Variants in MON2 observed in about 807,000 individuals in gnomAD.
MON2 encodes the protein protein MON2 homolog.
MON2 carries 84 observed loss-of-function variants against 208.6 expected under a neutral mutation model. That is an observed-to-expected ratio of 0.40 (90% CI 0.34 to 0.48). The LOEUF (loss-of-function observed/expected upper bound fraction) is 0.48. Ranked by LOEUF, MON2 falls within the 20% of genes least tolerant of loss-of-function variation. MON2 has a pLI of 0.59. For missense variants in MON2, 1,611 were observed against 2,015.4 expected (o/e 0.80, Z 3.84); for synonymous variants, 660 against 694.0 (o/e 0.95, Z 0.77).
intron 24 of MON2, among the ~76,000 whole-genome samples, chr12:62,554,937 C>T (rs1003574873): frequency 4.0e-5 from 6 of 150,512 alleles, no homozygotes; most frequent in East Asian, 2.0e-4. Context: ...TGGGACTACA[C>T]GCGCCCGCCA....
chr12:62,499,798 G>A (rs1241026094), intron 5 of MON2, among the ~76,000 whole-genome samples: 4 of 151,876 alleles, frequency 2.6e-5, no homozygotes, highest in South Asian at 2.1e-4. Flanking sequence ...ACTTGAACCC[G>A]AGAGGCAGAG....
chr12:62,512,597 A>T (rs537804497), intron 8 of MON2, among the ~76,000 whole-genome samples: 1 of 152,096 alleles, frequency 6.6e-6, no homozygotes, highest in Non-Finnish European at 1.5e-5. Flanking sequence ...AGGTGCTTTC[A>T]TGGCCTGCTG....
At position 62,523,125 on chromosome 12, in the gene MON2, T is replaced by C. The variant is rs529456343; in HGVS notation, c.985-1390T>C. Among the ~76,000 whole-genome samples the C allele has an allele frequency of 5.9e-5, 9 of 152,318 alleles. No individual in the cohort carries two copies. In the East Asian group the frequency reaches 1.7e-3, roughly 29 times the overall value. On this transcript the variant is annotated intron_variant, in intron 8 of 34. Transcript: ENST00000393630. ...GCTGATATTGCACTTGTTGAAGGGC[T>C]TACTAATATTCAAACCCTCCAGTAG...
At chr12:62,486,277 G>C (rs1048973462) in intron 2 of MON2, among the ~76,000 whole-genome samples, 4 of 151,242 alleles carry the variant, frequency 2.6e-5, no homozygotes, top group African/African-American at 9.7e-5. Context: ...GATTTCCTCA[G>C]AGGATCACTG....
intron 8 of MON2, among the ~76,000 whole-genome samples, chr12:62,520,019 G>A (rs575277492): frequency 2.0e-5 from 3 of 152,304 alleles, no homozygotes; most frequent in African/African-American, 7.2e-5. Flanking sequence ...GTTTCACCCC[G>A]TTAGCCAGGA....
At chr12:62,489,936 T>C (rs917956663) in intron 2 of MON2, 3 of 600,050 alleles carry the variant, frequency 5.0e-6, no homozygotes, top group Non-Finnish European at 4.8e-6. Flanking sequence ...AATTGAAGTT[T>C]ATTTTTTAAT....
intron 27 of MON2, 200 bp from the exon 28 acceptor site, chr12:62,565,814 T>C (rs1169140262): frequency 1.5e-5 from 8 of 529,958 alleles, no homozygotes; most frequent in Admixed American, 3.6e-5. Context: ...GTGTGAAGTT[T>C]AGTTGGATTT....
intron 1 of MON2, among the ~76,000 whole-genome samples, chr12:62,468,830 A>T (rs1323821850): frequency 2.0e-5 from 3 of 152,336 alleles, no homozygotes; most frequent in Non-Finnish European, 2.9e-5. Context: ...CTATTTTGTA[A>T]TTTCAACAAT....
intron 3 of MON2, among the ~76,000 whole-genome samples, 157 bp downstream of exon 3, chr12:62,494,199 C>T (rs554860491): frequency 1.3e-5 from 2 of 152,242 alleles, no homozygotes; most frequent in Non-Finnish European, 2.9e-5. Context: ...CAAATTTTCT[C>T]CTCATTAAAC....
At chr12:62,542,956 G>A in intron 19 of MON2, 141 bp from the exon 20 acceptor site, 1 of 447,496 alleles carries the variant, frequency 2.2e-6, no homozygotes, top group Non-Finnish European at 3.9e-6. Flanking sequence ...GATAACTGAG[G>A]TTTTGTTATA....
rs2133305 is a variant in MON2, at chr12:62,571,527, G to A, written c.4459G>A (p.Asp1487Asn). 6.2e-7 allele frequency: 1 copy of A among 1,614,012 alleles called. No individual in the cohort carries two copies. ...GCAGCATGCTTCTTCTGGAAAATTT[G>A]ACAGTATGTGGCCAGAACTAGCCAA... is the stretch of plus-strand genomic sequence containing the variant. ...ARQHASSGKF[D>N]SMWPELANTF... is the part of the protein sequence containing the mutation. The change falls in exon 30 of 35, where the codon GAC becomes AAC. Residue 1487 changes from aspartate (D) to asparagine (N), a missense_variant. By Grantham distance (23) the Asp-to-Asn change is conservative (BLOSUM62 1). Coordinates refer to ENST00000393630, the MANE Select transcript of MON2 (RefSeq NM_015026.3).
chr12:62,519,872 G>C (rs2136163843), intron 8 of MON2, among the ~76,000 whole-genome samples: 1 of 152,340 alleles, frequency 6.6e-6, no homozygotes, highest in South Asian at 2.1e-4. Flanking sequence ...CTGGAGTGCC[G>C]TGGCGTGATC....
At chr12:62,523,205 C>T (rs2072152714) in intron 8 of MON2, among the ~76,000 whole-genome samples, 2 of 152,148 alleles carry the variant, frequency 1.3e-5, no homozygotes, top group Non-Finnish European at 2.9e-5. Flanking sequence ...TCAGTTCTTC[C>T]TCTAAAGAGG....
chr12:62,468,195 C>T (rs1181855507), intron 1 of MON2, among the ~76,000 whole-genome samples: 1 of 151,244 alleles, frequency 6.6e-6, no homozygotes, highest in Non-Finnish European at 1.5e-5. Flanking sequence ...CAAAAACAGG[C>T]CCGGCTAATT....
rs1456544602 is a variant in MON2 at position 62,574,050 on chromosome 12, C to CT, written c.4514+2473dup. On this transcript the variant is annotated intron_variant, in intron 30 of 34. Transcript: ENST00000393630. ...ATCCCAGTAGTACTACTTTGTACTA[C>CT]TTTTTAGACAAGTTATTAAACCTTT... 6.4e-4 allele frequency among the ~76,000 whole-genome samples: 97 copies of CT among 152,236 alleles called. 1 individual carries two copies. Among genetic ancestry groups the CT allele is most frequent in the Admixed American group, 6.3e-3 (97 of 15,292 alleles).
intron 1 of MON2, among the ~76,000 whole-genome samples, chr12:62,468,276 T>TC (rs1054555653): frequency 6.6e-6 from 1 of 151,958 alleles, no homozygotes; most frequent in African/African-American, 2.4e-5. Flanking sequence ...CTTCAGATGA[T>TC]CCCCCTGCCT....
chr12:62,549,630 A>T (rs370440784), intron 22 of MON2, 38 bp from the exon 23 acceptor site: 11 of 1,521,046 alleles, frequency 7.2e-6, no homozygotes, highest in Non-Finnish European at 8.8e-6. Flanking sequence ...ATAAATAAAT[A>T]AAATAAGTGC....
chr12:62,525,728 C>T (rs2072297715), intron 10 of MON2, among the ~76,000 whole-genome samples: 1 of 152,130 alleles, frequency 6.6e-6, no homozygotes, highest in African/African-American at 2.4e-5. Context: ...ATTTTTACTT[C>T]CCCTAGCAGC....
intron 12 of MON2, among the ~76,000 whole-genome samples, chr12:62,534,542 A>AAAATATATATATATATAT (rs1555169522): frequency 4.4e-5 from 1 of 22,848 alleles, no homozygotes; most frequent in Non-Finnish European, 7.4e-5. Context: ...AAAAAAAAAA[A>AAAATATATATATATATAT]ATATATATAT....
Sources: allele counts gnomAD v4.1 joint callset (sites outside exome capture counted in the v4.1 genomes callset), GRCh38; gene constraint gnomAD v4.1.1; transcripts MANE v1.5; gene names NCBI Gene and HGNC (gene_info 2026-07-23, HGNC 2026-07-21).